Variants in ROBO1 observed in about 807,000 individuals in gnomAD.
ROBO1 encodes the protein roundabout homolog 1.
ROBO1 carries 149 observed loss-of-function variants against 195.9 expected under a neutral mutation model. The observed-to-expected ratio is 0.76, with a 90% CI of 0.67 to 0.87. ROBO1 has a LOEUF of 0.87. ROBO1 is among the 40% of genes least tolerant of loss of function. The probability of loss-of-function intolerance (pLI) is 0.00; values close to 1 mark genes in which losing one functional copy is unlikely to be tolerated. For missense variants in ROBO1, 1,933 were observed against 2,068.3 expected, an observed-to-expected ratio of 0.93 and a Z score of 1.27; for synonymous variants, 816 against 733.2, an observed-to-expected ratio of 1.11 and a Z score of -1.82.
intron 1 of ROBO1, among the ~76,000 whole-genome samples, chr3:79,740,665 G>A (rs535678442): frequency 2.2e-4 from 34 of 152,140 alleles, no homozygotes; most frequent in Admixed American, 1.9e-3. Context: ...GGCAGAAACC[G>A]CCCCCATGAT....
intron 1 of ROBO1, among the ~76,000 whole-genome samples, chr3:79,762,781 T>C (rs1272018149): frequency 1.3e-5 from 2 of 152,168 alleles, no homozygotes; most frequent in African/African-American, 4.8e-5. Flanking sequence ...AATTGTCATT[T>C]TTGCCCTGAC....
rs185051023 is a variant in ROBO1, at chr3:78,856,547, C to A, written c.499+82054G>T. 4.9e-4 allele frequency among the ~76,000 whole-genome samples: 74 copies of A among 151,644 alleles called. 2 individuals are homozygous for A. The highest frequency in any genetic ancestry group is 1.7e-3 in the African/African-American group (69 of 41,394). On this transcript the variant is annotated intron_variant, in intron 4 of 30. Coordinates refer to ENST00000464233, the MANE Select transcript of ROBO1 (RefSeq NM_002941.4). ...AATTCTCTCAACATTTAGCGTATAA[C>A]CAATAATTGCAAGAGTCCAAGCTAT...
At chr3:78,993,637 C>T (rs914322652) in intron 3 of ROBO1, among the ~76,000 whole-genome samples, 1 of 152,134 alleles carries the variant, frequency 6.6e-6, no homozygotes, top group Non-Finnish European at 1.5e-5. Context: ...TCACCCCAAC[C>T]TTTACAACGT....
At chr3:79,028,949 C>A (rs2078248471) in intron 3 of ROBO1, among the ~76,000 whole-genome samples, 1 of 152,018 alleles carries the variant, frequency 6.6e-6, no homozygotes, top group South Asian at 2.1e-4. Context: ...GACATAAGCG[C>A]TTTTCCTAAA....
chr3:79,574,579 C>T (rs187622939), intron 2 of ROBO1, among the ~76,000 whole-genome samples: 46 of 151,956 alleles, frequency 3.0e-4, no homozygotes, highest in African/African-American at 9.4e-4. Flanking sequence ...TTATTGTAGT[C>T]ATCTTTACTT....
In ROBO1 at chr3:79,045,975, G is replaced by T. The variant is rs114587037; in HGVS notation, c.172+79481C>A. On this transcript the variant is annotated intron_variant, in intron 3 of 30. Transcript: ENST00000464233. ...AGCATTTCTTCCATTATGAATGTAG[G>T]TTATTGTGGTAGGTAGTCTCTAAGT... Among the ~76,000 whole-genome samples, 530 of 152,194 alleles carry T rather than the reference G, an allele frequency of 3.5e-3. 7 individuals are homozygous for T. The highest frequency in any genetic ancestry group is 0.012 in the African/African-American group (490 of 41,520).
At chr3:78,913,502 AT>A (rs1341735684) in intron 4 of ROBO1, among the ~76,000 whole-genome samples, 1 of 152,168 alleles carries the variant, frequency 6.6e-6, no homozygotes, top group Non-Finnish European at 1.5e-5. Flanking sequence ...AGTAAAAAAA[AT>A]ATTTAAAATT....
chr3:79,138,158 C>A (rs2080451438), intron 2 of ROBO1, among the ~76,000 whole-genome samples: 1 of 151,912 alleles, frequency 6.6e-6, no homozygotes, highest in Admixed American at 6.6e-5. Context: ...ATAATTATTT[C>A]TAAAAATTAT....
chr3:78,970,502 A>G (rs2107907372), intron 3 of ROBO1, among the ~76,000 whole-genome samples: 1 of 152,290 alleles, frequency 6.6e-6, no homozygotes, highest in African/African-American at 2.4e-5. Context: ...TTTTATTTAC[A>G]TGTTTTAGAA....
intron 2 of ROBO1, among the ~76,000 whole-genome samples, chr3:79,370,409 CAT>C (rs1025723228): frequency 3.3e-5 from 5 of 151,854 alleles, no homozygotes; most frequent in African/African-American, 1.2e-4. Context: ...TGTTATTCTC[CAT>C]ATATATTCTC....
At chr3:79,060,500 T>C (rs1445716971) in intron 3 of ROBO1, among the ~76,000 whole-genome samples, 2 of 152,002 alleles carry the variant, frequency 1.3e-5, no homozygotes, top group East Asian at 3.9e-4. Flanking sequence ...AAAATTTCTC[T>C]TTTTTGTGCT....
intron 3 of ROBO1, among the ~76,000 whole-genome samples, chr3:78,997,021 G>T (rs2108100735): frequency 6.6e-6 from 1 of 152,216 alleles, no homozygotes; most frequent in African/African-American, 2.4e-5. Context: ...GGATATTTTT[G>T]CTGGTCATAA....
intron 2 of ROBO1, among the ~76,000 whole-genome samples, chr3:79,410,877 CA>C (rs2037738984): frequency 6.6e-6 from 1 of 152,062 alleles, no homozygotes; most frequent in African/African-American, 2.4e-5. Flanking sequence ...ATCAGTAAAG[CA>C]GAACAGTAAA....
At chr3:78,885,422 A>AC (rs1345084702) in intron 4 of ROBO1, among the ~76,000 whole-genome samples, 2 of 145,722 alleles carry the variant, frequency 1.4e-5, no homozygotes, top group East Asian at 3.9e-4. Flanking sequence ...TAAAAAAAAA[A>AC]AAAAAAAAAA....
intron 1 of ROBO1, among the ~76,000 whole-genome samples, chr3:79,723,337 G>A (rs2107307674): frequency 6.6e-6 from 1 of 152,144 alleles, no homozygotes; most frequent in South Asian, 2.1e-4. Flanking sequence ...ATATATGATG[G>A]TTTTGAAATG....
intron 2 of ROBO1, among the ~76,000 whole-genome samples, chr3:79,329,693 C>G (rs1361706654): frequency 6.6e-6 from 1 of 152,078 alleles, no homozygotes; most frequent in Non-Finnish European, 1.5e-5. Flanking sequence ...TTTTCTTTAT[C>G]AAATCCAGTT....
intron 29 of ROBO1, among the ~76,000 whole-genome samples, chr3:78,603,398 A>T (rs1239288330): frequency 1.3e-5 from 2 of 152,112 alleles, no homozygotes; most frequent in African/African-American, 4.8e-5. Context: ...CTCAAGTATC[A>T]TGGCACTATG....
At chr3:78,781,313 A>C (rs1299303979) in intron 4 of ROBO1, among the ~76,000 whole-genome samples, 1 of 152,140 alleles carries the variant, frequency 6.6e-6, no homozygotes, top group African/African-American at 2.4e-5. Flanking sequence ...TCACATGTTA[A>C]ATTAGATGCT....
At chr3:78,929,896 C>A (rs1174215710) in intron 4 of ROBO1, among the ~76,000 whole-genome samples, 2 of 152,028 alleles carry the variant, frequency 1.3e-5, no homozygotes, top group Non-Finnish European at 2.9e-5. Flanking sequence ...GTTGAGATTG[C>A]ACGGAAGGGT....
Sources: gnomAD v4.1 joint callset for allele counts (sites outside exome capture counted in the v4.1 genomes callset) on GRCh38, gnomAD v4.1.1 for gene constraint, MANE v1.5 for transcripts, NCBI Gene and HGNC (gene_info 2026-07-23, HGNC 2026-07-21) for gene names.